Variants in XXYLT1 observed in about 807,000 individuals in gnomAD.
XXYLT1 encodes the protein xyloside xylosyltransferase 1, also known as UDP-xylose:alpha-xyloside alpha-1,3-xylosyltransferase.
In XXYLT1, 20 loss-of-function variants were observed where a neutral mutation model predicts 28.9. The observed-to-expected ratio is 0.69, with a 90% CI of 0.49 to 1.00. The LOEUF (loss-of-function observed/expected upper bound fraction) is 1.00, where lower values mean the gene tolerates loss of function less well. Among genes scored for constraint, XXYLT1 ranks in the 50% least tolerant of loss-of-function variants. The probability of loss-of-function intolerance (pLI) is 0.00; values close to 1 mark genes in which losing one functional copy is unlikely to be tolerated. For missense variants in XXYLT1, 542 were observed against 560.1 expected, an observed-to-expected ratio of 0.97 and a Z score of 0.33; for synonymous variants, 257 against 253.8, an observed-to-expected ratio of 1.01 and a Z score of -0.12.
At chr3:195,219,679 C>G (rs1489253144) in intron 2 of XXYLT1, among the ~76,000 whole-genome samples, 123 of 152,336 alleles carry the variant, frequency 8.1e-4, no homozygotes, top group Non-Finnish European at 5.9e-5. Flanking sequence ...CCTTTGCCAC[C>G]CAGCAGCACT....
In XXYLT1 at chr3:195,077,891, G is replaced by A. The variant is rs1311009493; in HGVS notation, c.786-7780C>T. Among the ~76,000 whole-genome samples, 1 of 152,160 alleles carries A rather than the reference G, an allele frequency of 6.6e-6. No individual in the cohort carries two copies. The highest frequency in any genetic ancestry group is 2.4e-5 in the African/African-American group (1 of 41,446). ...CGCTCCCCGTGCCCAGCCTGCCTGG[G>A]GTTGTCAGTCACGTGACCTTCCCCC... On this transcript the variant is annotated intron_variant, in intron 3 of 3. Transcript: ENST00000310380. The surrounding 1 kb of genome is among the most constrained non-coding windows in gnomAD (Gnocchi z 4.8).
At chr3:195,089,151 G>A (rs1214014578) in intron 3 of XXYLT1, among the ~76,000 whole-genome samples, 80 of 150,600 alleles carry the variant, frequency 5.3e-4, no homozygotes, top group Non-Finnish European at 6.8e-4. Context: ...GCAGGCCAAC[G>A]TTCAGATTCA....
intron 2 of XXYLT1, chr3:195,175,792 T>C: frequency 6.7e-7 from 1 of 1,486,168 alleles, no homozygotes; most frequent in Non-Finnish European, 8.9e-7. Context: ...ATGCTCCAGA[T>C]GGCGTCGTTA....
intron 3 of XXYLT1, among the ~76,000 whole-genome samples, chr3:195,109,819 TG>T (rs1717404610): frequency 3.2e-5 from 2 of 63,360 alleles, no homozygotes; most frequent in East Asian, 2.8e-4. Flanking sequence ...AGTGTGTGTG[TG>T]GTGTATGAGT....
intron 3 of XXYLT1, among the ~76,000 whole-genome samples, chr3:195,125,633 A>G (rs1213895620): frequency 6.6e-6 from 1 of 152,246 alleles, no homozygotes; most frequent in Non-Finnish European, 1.5e-5. Flanking sequence ...AGCTCAATCA[A>G]TCCCCTGGCC....
intron 2 of XXYLT1, among the ~76,000 whole-genome samples, chr3:195,175,224 G>T (rs2108725361): frequency 6.6e-6 from 1 of 152,284 alleles, no homozygotes; most frequent in South Asian, 2.1e-4. Flanking sequence ...GTAATGCTCG[G>T]CCTAAGTCCT....
rs1725991321 is a variant in XXYLT1, at chr3:195,270,635, C to T, written c.424G>A (p.Val142Met). ...ACCTCGCGGCTGGCCTCCTCGCTCA[C>T]GAAGTGAAGGTTAAGCACCTCGTGC... is the stretch of plus-strand genomic sequence containing the variant. ...EAHEVLNLHF[V>M]SEEASREVAK... Residue 142 changes from valine (V) to methionine (M), a missense_variant, in exon 1 of 4, where the codon GTG (valine) becomes ATG (methionine). Physicochemically the swap from Val to Met is conservative, Grantham distance 21. Coordinates refer to ENST00000310380, the MANE Select transcript of XXYLT1 (RefSeq NM_152531.5). 2 of 1,549,522 alleles carry T rather than the reference C, an allele frequency of 1.3e-6. No homozygotes were observed. Among genetic ancestry groups the T allele is most frequent in the South Asian group, 1.2e-5 (1 of 86,040 alleles).
At chr3:195,165,752 A>G in intron 2 of XXYLT1, among the ~76,000 whole-genome samples, 1 of 152,140 alleles carries the variant, frequency 6.6e-6, no homozygotes. Flanking sequence ...CATCTTCTAA[A>G]AAAGATGGAC....
At chr3:195,242,757 A>C (rs1724833659) in intron 1 of XXYLT1, among the ~76,000 whole-genome samples, 1 of 152,138 alleles carries the variant, frequency 6.6e-6, no homozygotes, top group Middle Eastern at 3.2e-3. Flanking sequence ...TTTAATATGC[A>C]AATGTAGGGT....
At chr3:195,098,372 T>G (rs1178393994) in intron 3 of XXYLT1, among the ~76,000 whole-genome samples, 1 of 152,140 alleles carries the variant, frequency 6.6e-6, no homozygotes, top group Admixed American at 6.5e-5. Flanking sequence ...GCTAACATGT[T>G]GAAACCCTGT....
At chr3:195,261,348 C>A (rs796975688) in intron 1 of XXYLT1, among the ~76,000 whole-genome samples, 1 of 152,172 alleles carries the variant, frequency 6.6e-6, no homozygotes, top group African/African-American at 2.4e-5. Flanking sequence ...GCAGGAGAAT[C>A]GCTTGAACCC....
intron 2 of XXYLT1, among the ~76,000 whole-genome samples, chr3:195,215,757 G>C (rs918101349): frequency 6.6e-6 from 1 of 152,104 alleles, no homozygotes; most frequent in Non-Finnish European, 1.5e-5. Context: ...ACATTAGACA[G>C]ATCAAAGAGA....
At chr3:195,141,982 C>T (rs533999566) in intron 3 of XXYLT1, among the ~76,000 whole-genome samples, 1 of 152,356 alleles carries the variant, frequency 6.6e-6, no homozygotes, top group South Asian at 2.1e-4. Context: ...TAGCAATAAA[C>T]CACGTGATTC....
At position 195,078,464 on chromosome 3, in the gene XXYLT1, C is replaced by T. The variant is rs1715248224; in HGVS notation, c.786-8353G>A. Among the ~76,000 whole-genome samples, 4 of 152,092 alleles carry T rather than the reference C, an allele frequency of 2.6e-5. No individual in the cohort carries two copies. The South Asian group carries it at 8.3e-4, about 32-fold the overall frequency. ...CTAGTTCTGCAGGCCCACTGTGCCT[C>T]CTCCAGCCTCTCGTGCCCTGGCCCT... On this transcript the variant is annotated intron_variant, in intron 3 of 3. Coordinates refer to ENST00000310380, the MANE Select transcript of XXYLT1 (RefSeq NM_152531.5). This position sits in a 1 kb window ranked among gnomAD's most constrained non-coding sequence, Gnocchi z 5.0.
chr3:195,157,418 C>T (rs1404854869), intron 2 of XXYLT1, among the ~76,000 whole-genome samples: 2 of 152,088 alleles, frequency 1.3e-5, no homozygotes, highest in Non-Finnish European at 2.9e-5. Context: ...CAGAGCGAAA[C>T]GGCTGAATGA....
chr3:195,110,321 A>T (rs111215266), intron 3 of XXYLT1, among the ~76,000 whole-genome samples: 4,044 of 7,636 alleles, frequency 0.53, 638 homozygotes, highest in African/African-American at 0.54. Flanking sequence ...TGTGTGGGTG[A>T]GGGTGAGGTG....
intron 3 of XXYLT1, among the ~76,000 whole-genome samples, chr3:195,086,630 A>G (rs1180992786): frequency 6.6e-6 from 1 of 152,132 alleles, no homozygotes; most frequent in Non-Finnish European, 1.5e-5. Flanking sequence ...AAAGGTTTGA[A>G]GCGAGGTATG....
Position 195,270,763 on chromosome 3 carries a change from T to C in XXYLT1, c.296A>G (p.Tyr99Cys), listed in dbSNP as rs752283449. The change falls in exon 1 of 4, where the codon TAC becomes TGC. Residue 99 changes from tyrosine (Y) to cysteine (C), a missense_variant. Tyr to Cys is a radical substitution (Grantham distance 194, BLOSUM62 -2). Transcript: ENST00000310380. ...CTTGGTGAACATCATCAGCAGGTGG[T>C]AGTCCACCGGCCCGGCACCGCCGCC... ...LEGGGAGPVD[Y>C]HLLMMFTKAE... 3.0e-5 allele frequency: 47 copies of C among 1,582,046 alleles called. 1 individual carries two copies. In the East Asian group the frequency reaches 1.2e-3, roughly 39 times the overall value.
At chr3:195,228,652 C>A (rs111621549) in intron 1 of XXYLT1, among the ~76,000 whole-genome samples, 4,727 of 151,438 alleles carry the variant, frequency 0.031, 140 homozygotes, top group East Asian at 0.1. Flanking sequence ...CCACCCCCAG[C>A]TAATTTTTTG....
Sources: gnomAD v4.1 joint callset for allele counts (sites outside exome capture counted in the v4.1 genomes callset) on GRCh38, gnomAD v4.1.1 for gene constraint, Gnocchi (gnomAD v3.1) non-coding constraint, MANE v1.5 for transcripts, NCBI Gene and HGNC (gene_info 2026-07-23, HGNC 2026-07-21) for gene names.